The following EEA1 variants were observed in gnomAD, a reference collection of about 807,000 sequenced individuals.
The protein encoded by EEA1 is early endosome antigen 1.
EEA1 carries 111 observed loss-of-function variants against 209.2 expected under a neutral mutation model. The ratio of observed to expected loss-of-function variants is 0.53; its 90% CI spans 0.45 to 0.62. EEA1 has a LOEUF of 0.62. Among genes scored for constraint, EEA1 ranks in the 20% least tolerant of loss-of-function variants. EEA1 has a pLI of 0.00. For synonymous variants in EEA1, 536 were observed against 540.6 expected (o/e 0.99, Z 0.12); for missense variants, 1,343 against 1,530.8 (o/e 0.88, Z 2.05).
At chr12:92,884,148 A>G in intron 2 of EEA1, 2 of 1,238,930 alleles carry the variant, frequency 1.6e-6, no homozygotes, top group Admixed American at 1.7e-5. Flanking sequence ...TATTTTGAAC[A>G]GTATGGAAAA....
At chr12:92,826,714 C>CAA (rs1210921584) in intron 12 of EEA1, among the ~76,000 whole-genome samples, 28 of 57,138 alleles carry the variant, frequency 4.9e-4, no homozygotes, top group African/African-American at 1.3e-3. Context: ...GACTCCGTCT[C>CAA]AAAAAAAAAA....
At chr12:92,928,282 A>G (rs1303646673) in intron 1 of EEA1, among the ~76,000 whole-genome samples, 2 of 152,164 alleles carry the variant, frequency 1.3e-5, no homozygotes, top group African/African-American at 4.8e-5. Flanking sequence ...CTAATGCTCT[A>G]ATCTTTCTAT....
At chr12:92,858,693 T>C in intron 3 of EEA1, 1 of 736,870 alleles carries the variant, frequency 1.4e-6, no homozygotes. Context: ...TCCACACAAT[T>C]GTTATATCTG....
intron 6 of EEA1, 83 bp from the exon 7 acceptor site, chr12:92,853,108 A>G (rs1272875941): frequency 2.3e-6 from 2 of 888,610 alleles, no homozygotes; most frequent in East Asian, 5.3e-5. Context: ...TTACAGTTGT[A>G]AAGATGATCA....
intron 1 of EEA1, among the ~76,000 whole-genome samples, chr12:92,916,117 A>G (rs955318251): frequency 1.3e-5 from 2 of 152,210 alleles, no homozygotes; most frequent in African/African-American, 4.8e-5. Flanking sequence ...CCACCATATG[A>G]TTAAAATTGA....
At chr12:92,814,606 C>CCG (rs1875687464) in intron 15 of EEA1, among the ~76,000 whole-genome samples, 1 of 50,194 alleles carries the variant, frequency 2.0e-5, no homozygotes, top group Non-Finnish European at 5.0e-5. Context: ...TGATGGGGGG[C>CCG]GGGGGGGGAA....
chr12:92,854,872 AT>A (rs1320724945), intron 5 of EEA1, among the ~76,000 whole-genome samples: 1 of 152,226 alleles, frequency 6.6e-6, no homozygotes, highest in Non-Finnish European at 1.5e-5. Flanking sequence ...CTAGACTTTA[AT>A]AATTTTGGAA....
intron 15 of EEA1, among the ~76,000 whole-genome samples, chr12:92,815,695 G>A (rs934808236): frequency 2.0e-5 from 3 of 151,884 alleles, no homozygotes; most frequent in Middle Eastern, 3.2e-3. Context: ...GAAAGAATAC[G>A]GCACCATGTA....
intron 10 of EEA1, 46 bp from the exon 11 acceptor site, chr12:92,832,896 A>G (rs748712383): frequency 1.3e-5 from 17 of 1,311,132 alleles, no homozygotes; most frequent in Non-Finnish European, 1.8e-5. Flanking sequence ...AATATTTTTA[A>G]TTACTCCAAT....
At chr12:92,904,494 T>C (rs1722427551) in intron 1 of EEA1, among the ~76,000 whole-genome samples, 1 of 152,208 alleles carries the variant, frequency 6.6e-6, no homozygotes, top group African/African-American at 2.4e-5. Flanking sequence ...TTTAATTGAA[T>C]TCTGACACTA....
intron 11 of EEA1, among the ~76,000 whole-genome samples, chr12:92,830,383 T>C (rs7132877): frequency 0.28 from 42,414 of 151,912 alleles, 6,330 homozygotes; most frequent in Non-Finnish European, 0.32. Context: ...TCCATATGTA[T>C]TTAATATTTA....
chr12:92,803,984 TG>T (rs896303865), intron 18 of EEA1, among the ~76,000 whole-genome samples: 2 of 152,130 alleles, frequency 1.3e-5, no homozygotes, highest in African/African-American at 4.8e-5. Context: ...TGACACTTCT[TG>T]TTTTTTTTTA....
chr12:92,781,920 T>C (rs374766494), intron 23 of EEA1, 30 bp downstream of exon 23: 11 of 1,578,390 alleles, frequency 7.0e-6, no homozygotes, highest in Non-Finnish European at 8.6e-6. Flanking sequence ...AACTCTAAGA[T>C]TGTAGATTTA....
intron 11 of EEA1, among the ~76,000 whole-genome samples, chr12:92,830,966 G>A (rs1876598706): frequency 6.6e-6 from 1 of 152,174 alleles, no homozygotes; most frequent in Non-Finnish European, 1.5e-5. Context: ...CAGAAGCAGG[G>A]AAGGAGAAGA....
chr12:92,859,782 T>C (rs1878050221), intron 3 of EEA1, among the ~76,000 whole-genome samples: 1 of 152,252 alleles, frequency 6.6e-6, no homozygotes, highest in Non-Finnish European at 1.5e-5. Context: ...TTATAGCCTC[T>C]GCCTGGCAAT....
intron 3 of EEA1, chr12:92,859,248 GGA>G: frequency 6.2e-7 from 1 of 1,610,934 alleles, no homozygotes; most frequent in East Asian, 2.2e-5. Context: ...GCTTCCCATG[GGA>G]AGTGCCCAAA....
chr12:92,809,038 T>G lies in EEA1; in HGVS notation c.2318A>C (p.Gln773Pro). 1 of 1,597,308 alleles carries G rather than the reference T, an allele frequency of 6.3e-7. No individual in the cohort carries two copies. Among genetic ancestry groups the G allele is most frequent in the Non-Finnish European group, 8.5e-7 (1 of 1,171,992 alleles). Reference sequence around the variant, plus strand: ...TTACATTTCCTTCTCCATTTCAAGTTGTTTACTCAATTCTGTGGCTCTGAG... The same window carrying G: ...TTACATTTCCTTCTCCATTTCAAGTGGTTTACTCAATTCTGTGGCTCTGAG... ...LELRATELSKQLEMEKEIVSS... is the reference protein window; with the variant it reads ...LELRATELSKPLEMEKEIVSS... The change falls in exon 18 of 29, where the codon CAA (glutamine) becomes CCA (proline). Residue 773 changes from glutamine to proline, a missense_variant. Gln to Pro is a moderately conservative substitution (Grantham distance 76). Around this residue, in one of 3 missense-constraint regions of EEA1, gnomAD observed 1,307 missense variants for 1,465.5 expected, o/e 0.89. Coordinates refer to ENST00000322349, the MANE Select transcript of EEA1 (RefSeq NM_003566.4).
intron 10 of EEA1, among the ~76,000 whole-genome samples, chr12:92,838,068 A>G (rs939199120): frequency 3.9e-5 from 6 of 152,236 alleles, no homozygotes; most frequent in African/African-American, 1.4e-4. Context: ...ACAAAACTGC[A>G]AAGTGTTAAA....
At chr12:92,911,519 T>C (rs1284704230) in intron 1 of EEA1, among the ~76,000 whole-genome samples, 2 of 152,212 alleles carry the variant, frequency 1.3e-5, no homozygotes, top group African/African-American at 4.8e-5. Context: ...CACAGTGGAT[T>C]TGTACAGAAG....
Sources: allele counts gnomAD v4.1 joint callset (sites outside exome capture counted in the v4.1 genomes callset), GRCh38; gene constraint gnomAD v4.1.1; regional missense constraint gnomAD v4.1.1; transcripts MANE v1.5; gene names NCBI Gene and HGNC (gene_info 2026-07-23, HGNC 2026-07-21).